KCNH1: variants seen among roughly 807,000 people sequenced by gnomAD.
KCNH1 encodes the protein potassium voltage-gated channel subfamily H member 1, also known as voltage-gated delayed rectifier potassium channel KCNH1.
In KCNH1, 27 loss-of-function variants were observed where a neutral mutation model predicts 69.2. The ratio of observed to expected loss-of-function variants is 0.39; its 90% CI spans 0.29 to 0.54. KCNH1 has a LOEUF of 0.54. KCNH1 is among the 20% of genes least tolerant of loss of function. The pLI is 0.68. For synonymous variants in KCNH1, 456 were observed against 487.7 expected (o/e 0.93, Z 0.86); for missense variants, 798 against 1,261.6 (o/e 0.63, Z 5.57).
chr1:211,003,397 T>G (rs547460881), intron 6 of KCNH1, among the ~76,000 whole-genome samples: 1 of 152,326 alleles, frequency 6.6e-6, no homozygotes, highest in African/African-American at 2.4e-5. Flanking sequence ...TAAAGTAACT[T>G]TCTTCACACT....
chr1:210,802,192 G>A (rs61827576), intron 8 of KCNH1, among the ~76,000 whole-genome samples: 26,454 of 152,198 alleles, frequency 0.17, 3,042 homozygotes, highest in Non-Finnish European at 0.26. Context: ...TAGTAGTGGT[G>A]TTATGGTTAT....
At chr1:211,051,018 A>G (rs974623014) in intron 5 of KCNH1, among the ~76,000 whole-genome samples, 2 of 81,780 alleles carry the variant, frequency 2.4e-5, no homozygotes, top group Non-Finnish European at 4.7e-5. Flanking sequence ...TTGTTTTGAG[A>G]GAAGAGTCTT....
chr1:210,988,055 A>T lies in KCNH1; in HGVS notation c.1032+30728T>A, dbSNP rs533520840. On this transcript the variant is annotated intron_variant, in intron 6 of 10. Transcript: ENST00000271751. ...GACTGCTGTGCTAGTAATGAGTGAG[A>T]TTCTGTGGGTGTAGGACCCTCTGAG... 3.3e-5 allele frequency among the ~76,000 whole-genome samples: 5 copies of T among 152,284 alleles called. No homozygotes were observed. The East Asian group carries it at 9.6e-4, about 29-fold the overall frequency.
intron 10 of KCNH1, among the ~76,000 whole-genome samples, chr1:210,765,911 A>T (rs1683620508): frequency 6.6e-6 from 1 of 151,908 alleles, no homozygotes. Context: ...AAAATACAAA[A>T]AATTAGCCGG....
chr1:211,018,681 G>T (rs1689537467), intron 6 of KCNH1, 102 bp downstream of exon 6: 1 of 927,976 alleles, frequency 1.1e-6, no homozygotes, highest in Non-Finnish European at 1.7e-6. Flanking sequence ...CTGGACATCA[G>T]TCATGCTATT....
At chr1:210,867,716 C>A (rs978460400) in intron 7 of KCNH1, among the ~76,000 whole-genome samples, 2 of 151,964 alleles carry the variant, frequency 1.3e-5, no homozygotes, top group Non-Finnish European at 2.9e-5. Context: ...TACTTTATGT[C>A]ATTTTAAGTA....
chr1:210,736,245 A>C, intron 10 of KCNH1, among the ~76,000 whole-genome samples: 1 of 152,152 alleles, frequency 6.6e-6, no homozygotes, highest in African/African-American at 2.4e-5. Context: ...AAAACTTTAG[A>C]TTTTTTTAAA....
chr1:210,905,656 A>G (rs889079610), intron 7 of KCNH1, among the ~76,000 whole-genome samples: 3 of 143,218 alleles, frequency 2.1e-5, no homozygotes, highest in African/African-American at 5.6e-5. Context: ...ATCTCAGGGG[A>G]AAAAAAAAAT....
At chr1:211,023,838 C>A (rs1394843044) in intron 5 of KCNH1, among the ~76,000 whole-genome samples, 1 of 151,978 alleles carries the variant, frequency 6.6e-6, no homozygotes, top group African/African-American at 2.4e-5. Flanking sequence ...CAATAAAAAT[C>A]GTTTTTTAAA....
At chr1:210,741,255 G>A (rs185501026) in intron 10 of KCNH1, among the ~76,000 whole-genome samples, 87 of 152,162 alleles carry the variant, frequency 5.7e-4, no homozygotes, top group African/African-American at 1.8e-3. Context: ...TTTGGCCTGT[G>A]TAATCACAGA....
chr1:211,103,585 A>T lies in KCNH1; in HGVS notation c.221T>A (p.Leu74Gln). Residue 74 changes from leucine to glutamine, a missense_variant, in exon 3 of 11, where the codon CTG becomes CAG. This residue lies in a region of KCNH1 where 266 missense variants were observed against 457.2 expected (regional missense o/e 0.58). Coordinates refer to ENST00000271751, the MANE Select transcript of KCNH1 (RefSeq NM_172362.3). Reference protein sequence around the residue: ...SSTCSFMYGELTDKDTIEKVR... With the variant: ...SSTCSFMYGEQTDKDTIEKVR... ...TTTTTCAATCGTGTCTTTATCAGTC[A>T]GCTCCCCATACATAAAACTGCAAAC... 1 of 1,611,612 alleles carries T rather than the reference A, an allele frequency of 6.2e-7. No individual in the cohort carries two copies. The highest frequency in any genetic ancestry group is 8.5e-7 in the Non-Finnish European group (1 of 1,178,752).
At chr1:210,941,397 T>C (rs1446945098) in intron 6 of KCNH1, among the ~76,000 whole-genome samples, 1 of 152,132 alleles carries the variant, frequency 6.6e-6, no homozygotes, top group Non-Finnish European at 1.5e-5. Flanking sequence ...AGGCCTCCAC[T>C]AGCAGGTTGG....
intron 9 of KCNH1, among the ~76,000 whole-genome samples, chr1:210,794,113 CA>C (rs1402090015): frequency 1.3e-5 from 2 of 152,144 alleles, no homozygotes; most frequent in Non-Finnish European, 2.9e-5. Flanking sequence ...GTCCATTGAC[CA>C]AAAGATATGC....
intron 5 of KCNH1, among the ~76,000 whole-genome samples, chr1:211,024,866 G>GCATGCTA (rs1689656996): frequency 6.6e-6 from 1 of 151,798 alleles, no homozygotes; most frequent in Non-Finnish European, 1.5e-5. Context: ...CCAGCATGCT[G>GCATGCTA]GCTGGTCCAA....
intron 10 of KCNH1, among the ~76,000 whole-genome samples, chr1:210,718,941 G>T (rs1243197767): frequency 6.6e-6 from 1 of 151,794 alleles, no homozygotes; most frequent in Non-Finnish European, 1.5e-5. Flanking sequence ...TATCTCAATG[G>T]AATCAAAAAC....
intron 9 of KCNH1, among the ~76,000 whole-genome samples, chr1:210,792,209 C>T (rs1357346449): frequency 1.3e-5 from 2 of 152,164 alleles, no homozygotes; most frequent in Non-Finnish European, 2.9e-5. Flanking sequence ...TCTCCTTCTA[C>T]TTCTTTATTC....
rs1209666402 is a variant in KCNH1 at position 210,734,036 on chromosome 1, C to G, written c.2112+41312G>C. On this transcript the variant is annotated intron_variant, in intron 10 of 10. Transcript: ENST00000271751. ...CTCCCCTAGAATTGATTTTAAAAGC[C>G]AGTCCTAATTCTGATGGCTCTGTCC... Among the ~76,000 whole-genome samples the G allele has an allele frequency of 7.9e-5, 12 of 151,914 alleles. No homozygotes were observed. In the East Asian group the frequency reaches 2.3e-3, roughly 29 times the overall value.
At chr1:210,738,742 AT>A (rs1682944588) in intron 10 of KCNH1, among the ~76,000 whole-genome samples, 1 of 150,626 alleles carries the variant, frequency 6.6e-6, no homozygotes, top group Non-Finnish European at 1.5e-5. Flanking sequence ...TAATTTTTGT[AT>A]TTTTTTGTAA....
chr1:210,853,184 C>A (rs1685747814), intron 7 of KCNH1, among the ~76,000 whole-genome samples: 1 of 152,180 alleles, frequency 6.6e-6, no homozygotes, highest in South Asian at 2.1e-4. Flanking sequence ...GCCACGTAAA[C>A]TTTTGTTCCT....
Sources: allele counts gnomAD v4.1 joint callset (sites outside exome capture counted in the v4.1 genomes callset), GRCh38; gene constraint gnomAD v4.1.1; regional missense constraint gnomAD v4.1.1; transcripts MANE v1.5; gene names NCBI Gene and HGNC (gene_info 2026-07-23, HGNC 2026-07-21).